SLC25A38: variants seen among roughly 807,000 people sequenced by gnomAD.
The protein encoded by SLC25A38 is solute carrier family 25 member 38, also known as mitochondrial glycine transporter.
In SLC25A38, 27 loss-of-function variants were observed where a neutral mutation model predicts 33.4. That is an observed-to-expected ratio of 0.81 (90% CI 0.60 to 1.11). SLC25A38 has a LOEUF of 1.11. SLC25A38 is among the 50% of genes most tolerant of loss of function. The probability of loss-of-function intolerance (pLI) is 0.00; values close to 1 mark genes in which losing one functional copy is unlikely to be tolerated. For missense variants in SLC25A38, 344 were observed against 388.8 expected (o/e 0.88, Z 0.97); for synonymous variants, 123 against 145.9 (o/e 0.84, Z 1.13).
Position 39,389,431 on chromosome 3 carries a change from G to C in SLC25A38, c.70-64G>C. On this transcript the variant is annotated intron_variant, in intron 1 of 6. Transcript: ENST00000650617. This position sits in a 1 kb window ranked among gnomAD's most constrained non-coding sequence, Gnocchi z 4.5. ...CCATTATAAAGGAATTTGCTGGTCA[G>C]GTATAGAGAAAGGTGAGGCTCACAC... The C allele has an allele frequency of 1.2e-6, 2 of 1,613,732 alleles. No individual in the cohort carries two copies. Among genetic ancestry groups the C allele is most frequent in the African/African-American group, 1.3e-5 (1 of 75,054 alleles).
Position 39,389,403 on chromosome 3 carries a change from A to G in SLC25A38, c.70-92A>G, listed in dbSNP as rs1341408261. 10 of 1,599,062 alleles carry G rather than the reference A, an allele frequency of 6.3e-6. No homozygotes were observed. The highest frequency in any genetic ancestry group is 8.6e-6 in the Non-Finnish European group (10 of 1,167,770). The stretch of plus-strand genomic sequence containing the variant: ...AGGCACCACCAGGTAAGTGTCTAAG[A>G]GACCATTATAAAGGAATTTGCTGGT... On this transcript the variant is annotated intron_variant, in intron 1 of 6. Coordinates refer to ENST00000650617, the MANE Select transcript of SLC25A38 (RefSeq NM_017875.4). The surrounding 1 kb of genome is among the most constrained non-coding windows in gnomAD (Gnocchi z 4.5).
intron 1 of SLC25A38, chr3:39,384,309 A>T (rs934394378): frequency 1.4e-5 from 3 of 211,398 alleles, no homozygotes; most frequent in East Asian, 1.0e-4. Flanking sequence ...CAGCGACGCC[A>T]CGCCTCCTCC....
intron 1 of SLC25A38, among the ~76,000 whole-genome samples, chr3:39,387,327 G>T (rs1200181546): frequency 6.6e-6 from 1 of 152,166 alleles, no homozygotes; most frequent in African/African-American, 2.4e-5. Flanking sequence ...ATTTTGAGGT[G>T]GTGTCTATAG....
chr3:39,394,762 G>A (rs2041809709), intron 6 of SLC25A38, among the ~76,000 whole-genome samples, 186 bp downstream of exon 6: 1 of 151,946 alleles, frequency 6.6e-6, no homozygotes, highest in Non-Finnish European at 1.5e-5. Context: ...GTTCCCCAGT[G>A]ATTTTAATAT....
chr3:39,391,882 C>A lies in SLC25A38; in HGVS notation c.486C>A (p.Tyr162Ter), dbSNP rs531290475. The change falls in exon 5 of 7, where the codon TAC becomes TAA. Residue 162 changes from tyrosine (Y) to a stop codon, truncating the protein, a stop_gained. Transcript: ENST00000650617. LOFTEE classifies it high-confidence loss of function. ...ESGKYGYESI[Y>*]AALRSIYHSE... ...GGAAATATGGCTATGAGAGTATCTA[C>A]GCTGCCCTGAGGAGCATCTATCACA... is the stretch of plus-strand genomic sequence containing the variant. 1.2e-6 allele frequency: 2 copies of A among 1,613,862 alleles called. No individual in the cohort carries two copies. Among genetic ancestry groups the A allele is most frequent in the South Asian group, 2.2e-5 (2 of 91,068 alleles).
chr3:39,392,386 C>A (rs186073868), intron 5 of SLC25A38, among the ~76,000 whole-genome samples: 2 of 152,156 alleles, frequency 1.3e-5, no homozygotes, highest in Admixed American at 1.3e-4. Flanking sequence ...TGGGGTACAA[C>A]CTAGGAGTCT....
chr3:39,396,503 A>G lies in SLC25A38; in HGVS notation c.898A>G (p.Met300Val). Residue 300 changes from methionine (M) to valine (V), a missense_variant, in exon 7 of 7, where the codon ATG becomes GTG. By Grantham distance (21) the Met-to-Val change is conservative. This residue lies in a region of SLC25A38 where 75 missense variants were observed against 117.0 expected (regional missense o/e 0.64). Coordinates refer to ENST00000650617, the MANE Select transcript of SLC25A38 (RefSeq NM_017875.4). The part of the protein sequence containing the change: ...WTVYEEMMAK[M>V]GLKS ...GGTGTATGAAGAGATGATGGCCAAG[A>G]TGGGCCTGAAGTCCTGACCAAGAGA... 1.9e-6 allele frequency: 3 copies of G among 1,614,132 alleles called. No individual in the cohort carries two copies. Among genetic ancestry groups the G allele is most frequent in the African/African-American group, 2.7e-5 (2 of 75,026 alleles).
In SLC25A38 at chr3:39,396,815, AG is replaced by A. The variant is rs1474896828; in HGVS notation, c.*297del. ...GGCATTTTCCCAGGAGAGCTCTGTCAGGTGGCTGCGCTTCAGCCCCACCCCT... is the reference window on the plus strand; with the variant it reads ...GGCATTTTCCCAGGAGAGCTCTGTCAGTGGCTGCGCTTCAGCCCCACCCCT... On this transcript the variant is annotated 3_prime_UTR_variant, in exon 7 of 7. Transcript: ENST00000650617. 3.0e-5 allele frequency: 13 copies of A among 430,742 alleles called. No homozygotes were observed. The highest frequency in any genetic ancestry group is 8.6e-6 in the Non-Finnish European group (2 of 231,340). The allele number at this position is 430,742 out of a possible 1,614,324, so 26.7% of individuals were successfully genotyped here.
chr3:39,394,869 C>G lies in SLC25A38; in HGVS notation c.792+293C>G, dbSNP rs6793498. On this transcript the variant is annotated intron_variant, in intron 6 of 6. Transcript: ENST00000650617. ...GATATTTGTTAAACACTGCAGATTG[C>G]TGAACTCTACCCCAGACTTACTGAA... 0.04 allele frequency among the ~76,000 whole-genome samples: 6,106 copies of G among 152,064 alleles called. 435 individuals are homozygous for G. Among genetic ancestry groups the G allele is most frequent in the African/African-American group, 0.14 (5,771 of 41,448 alleles).
rs528990278 is a variant in SLC25A38 at position 39,383,564 on chromosome 3, G to A, written c.-161G>A. 1,035 of 721,226 alleles carry A rather than the reference G, an allele frequency of 1.4e-3. 11 individuals carry two copies. Among genetic ancestry groups the A allele is most frequent in the Middle Eastern group, 0.013 (32 of 2,552 alleles). 44.7% of individuals were successfully genotyped at this position (721,226 alleles called of 1,614,324 possible). A position where few individuals can be genotyped will look rare whatever the true frequency, so the allele number is the denominator to read the frequency against. ...CCTGGACTAGCAGGATCCGAACCCC[G>A]GCGGCTGCGTGCTTATAGGCGCAGA... On this transcript the variant is annotated 5_prime_UTR_variant, in exon 1 of 7. Coordinates refer to ENST00000650617, the MANE Select transcript of SLC25A38 (RefSeq NM_017875.4).
chr3:39,393,650 C>T (rs2041799086), intron 5 of SLC25A38, among the ~76,000 whole-genome samples: 1 of 152,126 alleles, frequency 6.6e-6, no homozygotes, highest in Non-Finnish European at 1.5e-5. Context: ...CAGGTGCATG[C>T]CACCATGCCT....
Position 39,386,417 on chromosome 3 carries a change from C to CA in SLC25A38, c.69+2631dup, listed in dbSNP as rs200906430. Among the ~76,000 whole-genome samples, 1,137 of 152,076 alleles carry CA rather than the reference C, an allele frequency of 7.5e-3. 61 individuals carry two copies. Among genetic ancestry groups the CA allele is most frequent in the Admixed American group, 0.07 (1,065 of 15,278 alleles). ...GCAACATAGCGAAACCCCGTCTCTA[C>CA]AAAAAAATTAGCTGGGCACGGTGAC... On this transcript the variant is annotated intron_variant, in intron 1 of 6. Coordinates refer to ENST00000650617, the MANE Select transcript of SLC25A38 (RefSeq NM_017875.4).
intron 6 of SLC25A38, among the ~76,000 whole-genome samples, chr3:39,396,164 C>T (rs538973799): frequency 4.6e-5 from 7 of 151,922 alleles, no homozygotes; most frequent in East Asian, 3.9e-4. Flanking sequence ...GAGCCGAGAT[C>T]GCGCCACTGC....
intron 5 of SLC25A38, among the ~76,000 whole-genome samples, chr3:39,393,978 A>G (rs1270035106): frequency 2.6e-5 from 4 of 152,186 alleles, no homozygotes; most frequent in Non-Finnish European, 5.9e-5. Flanking sequence ...TCACTGCTTT[A>G]TATCGGGAGG....
At chr3:39,387,516 G>C (rs1342104233) in intron 1 of SLC25A38, among the ~76,000 whole-genome samples, 2 of 152,194 alleles carry the variant, frequency 1.3e-5, no homozygotes, top group African/African-American at 2.4e-5. Context: ...ATGTGTCTCT[G>C]AGGTTTCCAA....
intron 1 of SLC25A38, among the ~76,000 whole-genome samples, chr3:39,385,249 T>C (rs1429548570): frequency 6.6e-6 from 1 of 152,178 alleles, no homozygotes. Context: ...AGTTGATCTA[T>C]ACTGCTAGTA....
intron 1 of SLC25A38, among the ~76,000 whole-genome samples, chr3:39,385,868 C>T (rs1386734220): frequency 1.3e-5 from 2 of 152,102 alleles, no homozygotes; most frequent in Admixed American, 6.5e-5. Context: ...GGAGCAAGAC[C>T]GGTGCTAGGG....
Position 39,396,689 on chromosome 3 carries a change from G to T in SLC25A38, c.*169G>T. The T allele has an allele frequency of 9.7e-7, 1 of 1,026,258 alleles. No individual in the cohort carries two copies. Among genetic ancestry groups the T allele is most frequent in the South Asian group, 1.4e-5 (1 of 73,070 alleles). The allele number at this position is 1,026,258 out of a possible 1,614,324, so 63.6% of individuals were successfully genotyped here. On this transcript the variant is annotated 3_prime_UTR_variant, in exon 7 of 7. Coordinates refer to ENST00000650617, the MANE Select transcript of SLC25A38 (RefSeq NM_017875.4). ...CCTTAAGGAGAAAATATATGGACCT[G>T]ATTTCAGCCTTCAGAATCTCCAAAA...
chr3:39,384,154 G>A (rs1163988910), intron 1 of SLC25A38, among the ~76,000 whole-genome samples: 2 of 152,230 alleles, frequency 1.3e-5, no homozygotes, highest in African/African-American at 2.4e-5. Flanking sequence ...CGGTCACAAG[G>A]CCTGATAATA....
Sources: allele counts gnomAD v4.1 joint callset (sites outside exome capture counted in the v4.1 genomes callset), GRCh38; gene constraint gnomAD v4.1.1; regional missense constraint gnomAD v4.1.1; non-coding constraint Gnocchi (gnomAD v3.1); transcripts MANE v1.5; gene names NCBI Gene and HGNC (gene_info 2026-07-23, HGNC 2026-07-21).